Variants in CPAP observed in about 807,000 individuals in gnomAD.
The protein encoded by CPAP is centrosomal P4.1-associated protein.
At chr13:24,922,468 G>A in the CPAP span, among the ~76,000 whole-genome samples, 43 of 152,340 alleles carry the variant, frequency 2.8e-4, no homozygotes, top group Non-Finnish European at 5.3e-4. Flanking sequence ...CGGCTGCCGC[G>A]CTGCCCACAG....
chr13:24,927,684 A>G, the CPAP span, among the ~76,000 whole-genome samples: 7 of 152,364 alleles, frequency 4.6e-5, no homozygotes, highest in African/African-American at 1.7e-4. Flanking sequence ...GGAATGCTGA[A>G]CAGTCCTACC....
chr13:24,911,106 T>C, the CPAP span, among the ~76,000 whole-genome samples: 9 of 152,308 alleles, frequency 5.9e-5, no homozygotes, highest in South Asian at 1.9e-3. Flanking sequence ...ACACAATCTA[T>C]AATAATTTTA....
At chr13:24,887,414 G>A in the CPAP span, among the ~76,000 whole-genome samples, 18,057 of 152,156 alleles carry the variant, frequency 0.12, 1,389 homozygotes, top group East Asian at 0.32. Flanking sequence ...CCCATCACTC[G>A]CATTACCACC....
the CPAP span, among the ~76,000 whole-genome samples, chr13:24,926,365 T>C: frequency 2.6e-5 from 4 of 152,116 alleles, no homozygotes; most frequent in East Asian, 1.9e-4. Context: ...AGGGGCCTAA[T>C]GCAAACTGTT....
the CPAP span, among the ~76,000 whole-genome samples, chr13:24,914,927 T>C: frequency 3.3e-5 from 5 of 151,732 alleles, no homozygotes; most frequent in Non-Finnish European, 7.4e-5. Context: ...ATAAAAAAAT[T>C]AGCCAGGCGT....
chr13:24,914,221 T>C, the CPAP span, among the ~76,000 whole-genome samples: 4 of 152,170 alleles, frequency 2.6e-5, no homozygotes, highest in Non-Finnish European at 2.9e-5. Flanking sequence ...TGTGCAGCTA[T>C]CAGGGGCAGG....
chr13:24,931,647 A>G, the CPAP span, among the ~76,000 whole-genome samples: 1 of 152,162 alleles, frequency 6.6e-6, no homozygotes, highest in Non-Finnish European at 1.5e-5. Flanking sequence ...CTGTATCTCC[A>G]GCCCTCGCCT....
chr13:24,883,854 T>A, the CPAP span: 1 of 1,235,756 alleles, frequency 8.1e-7, no homozygotes, highest in Non-Finnish European at 1.2e-6. Flanking sequence ...CTGAACCCCC[T>A]AATATGGGTG....
chr13:24,907,904 T>C, the CPAP span: 4 of 777,074 alleles, frequency 5.1e-6, no homozygotes, highest in Non-Finnish European at 4.4e-6. Context: ...CTTAAAAGCA[T>C]AGTCAAGCAA....
At chr13:24,883,576 A>C in the CPAP span, among the ~76,000 whole-genome samples, 3 of 152,158 alleles carry the variant, frequency 2.0e-5, no homozygotes, top group Non-Finnish European at 4.4e-5. Flanking sequence ...TTAATCATTC[A>C]TATTTTCATC....
At chr13:24,889,538 C>T in the CPAP span, 589 of 666,798 alleles carry the variant, frequency 8.8e-4, 1 homozygote, top group Non-Finnish European at 6.8e-4. Context: ...ATACAACAGG[C>T]CAAAGCAAAC....
the CPAP span, among the ~76,000 whole-genome samples, chr13:24,920,089 C>T: frequency 6.6e-6 from 1 of 152,158 alleles, no homozygotes; most frequent in African/African-American, 2.4e-5. Context: ...CAGTTTCTAT[C>T]ATGACAGATG....
chr13:24,927,947 G>A, the CPAP span, among the ~76,000 whole-genome samples: 3 of 152,154 alleles, frequency 2.0e-5, no homozygotes, highest in Admixed American at 6.5e-5. Flanking sequence ...ACCTCAGAAG[G>A]TTAAATCGAA....
At chr13:24,927,592 C>T in the CPAP span, among the ~76,000 whole-genome samples, 1 of 152,152 alleles carries the variant, frequency 6.6e-6, no homozygotes, top group Non-Finnish European at 1.5e-5. Context: ...CAAAACAGGA[C>T]AGAGAAAAAT....
the CPAP span, among the ~76,000 whole-genome samples, chr13:24,886,891 T>A: frequency 6.6e-6 from 1 of 152,216 alleles, no homozygotes; most frequent in Non-Finnish European, 1.5e-5. Context: ...AGGCTGATTA[T>A]GAACTAACAT....
the CPAP span, among the ~76,000 whole-genome samples, chr13:24,898,162 T>C: frequency 1.3e-5 from 2 of 152,160 alleles, no homozygotes; most frequent in African/African-American, 4.8e-5. Context: ...TCCCAAAGTG[T>C]TGGGATTACA....
the CPAP span, chr13:24,903,978 C>A: frequency 2.5e-6 from 4 of 1,613,758 alleles, no homozygotes; most frequent in African/African-American, 4.0e-5. Flanking sequence ...GCTAAAGATG[C>A]GTTCTCAGCT....
At chr13:24,893,900 C>T in the CPAP span, among the ~76,000 whole-genome samples, 1 of 152,044 alleles carries the variant, frequency 6.6e-6, no homozygotes, top group East Asian at 1.9e-4. Flanking sequence ...CTCACTCTGC[C>T]GGGGACAGTG....
At chr13:24,902,696 A>G in the CPAP span, among the ~76,000 whole-genome samples, 1 of 152,232 alleles carries the variant, frequency 6.6e-6, no homozygotes, top group Admixed American at 6.5e-5. Flanking sequence ...CCCTCCACCA[A>G]AGCAGCTATT....
Sources: gnomAD v4.1 joint callset for allele counts (sites outside exome capture counted in the v4.1 genomes callset) on GRCh38, gnomAD v4.1.1 for gene constraint, MANE v1.5 for transcripts, NCBI Gene and HGNC (gene_info 2026-07-23, HGNC 2026-07-21) for gene names.